The following LOXL2 variants were observed in gnomAD, a reference collection of about 807,000 sequenced individuals.
LOXL2 encodes the protein lysyl oxidase like 2.
In LOXL2, 70 loss-of-function variants were observed where a neutral mutation model predicts 93.0. That is an observed-to-expected ratio of 0.75 (90% CI 0.62 to 0.92). LOXL2 has a LOEUF of 0.92. Among genes scored for constraint, LOXL2 ranks in the 40% least tolerant of loss-of-function variants. The probability of loss-of-function intolerance (pLI) is 0.00; values close to 1 mark genes in which losing one functional copy is unlikely to be tolerated. For synonymous variants in LOXL2, 438 were observed against 413.2 expected (o/e 1.06, Z -0.73); for missense variants, 973 against 1,054.9 (o/e 0.92, Z 1.08).
In LOXL2 at chr8:23,368,126, A is replaced by G. The variant is rs779988545; in HGVS notation, c.226T>C (p.Tyr76His). 1.2e-6 allele frequency: 2 copies of G among 1,614,128 alleles called. No individual in the cohort carries two copies. The highest frequency in any genetic ancestry group is 1.7e-6 in the Non-Finnish European group (2 of 1,180,036). ...CACACGGTGCCCCACTGGCCATCAT[A>G]GTACACCTCCACCCGGCCCTCGCTG... ...KHSEGRVEVY[Y>H]DGQWGTVCDD... is the part of the protein sequence containing the mutation. The change falls in exon 2 of 14, where the codon TAT becomes CAT. Residue 76 changes from tyrosine to histidine, a missense_variant. Physicochemically the swap from Tyr to His is moderately conservative, Grantham distance 83. Transcript: ENST00000389131.
Position 23,318,425 on chromosome 8 carries a change from G to GCACACA in LOXL2, c.1471-1317_1471-1312dup, listed in dbSNP as rs59051890. Reference sequence around the variant, plus strand: ...CATTCATACATCCTATTGGTTGATAGCACACACACACACACACACACACAC... The same window carrying GCACACA: ...CATTCATACATCCTATTGGTTGATAGCACACACACACACACACACACACACACACAC... On this transcript the variant is annotated intron_variant, in intron 8 of 13. Coordinates refer to ENST00000389131, the MANE Select transcript of LOXL2 (RefSeq NM_002318.3). Among the ~76,000 whole-genome samples, 873 of 145,836 alleles carry GCACACA rather than the reference G, an allele frequency of 6.0e-3. 6 individuals carry two copies. The highest frequency in any genetic ancestry group is 7.4e-3 in the African/African-American group (282 of 38,208).
At position 23,335,703 on chromosome 8, in the gene LOXL2, G is replaced by A. The variant is rs180690093; in HGVS notation, c.744-2080C>T. 3.3e-3 allele frequency among the ~76,000 whole-genome samples: 508 copies of A among 152,242 alleles called. 2 individuals carry two copies. The highest frequency in any genetic ancestry group is 6.8e-3 in the Middle Eastern group (2 of 294). On this transcript the variant is annotated intron_variant, in intron 4 of 13. Transcript: ENST00000389131. ...TAAGATGCCAGAAGGAGCCAGCAGA[G>A]GGTACTCGCTGGGCAGGCTGACCCC...
chr8:23,334,823 T>G (rs2117174474), intron 4 of LOXL2, among the ~76,000 whole-genome samples: 1 of 149,782 alleles, frequency 6.7e-6, no homozygotes, highest in Non-Finnish European at 1.5e-5. Context: ...TTGTTGTTGT[T>G]TTTTTTTTTT....
rs560429236 is a variant in LOXL2 at position 23,378,522 on chromosome 8, T to G, written c.-83-10088A>C. On this transcript the variant is annotated intron_variant, in intron 1 of 13. Coordinates refer to ENST00000389131, the MANE Select transcript of LOXL2 (RefSeq NM_002318.3). The stretch of plus-strand genomic sequence containing the variant: ...GTTGGGGAAGTTCTCCTGGATAATA[T>G]CCTGCAGAGTGTTTTCCAACTTGGT... 3.4e-4 allele frequency among the ~76,000 whole-genome samples: 52 copies of G among 152,356 alleles called. No homozygotes were observed. In the Middle Eastern group the frequency reaches 0.01, roughly 30 times the overall value.
chr8:23,353,280 T>C (rs767192730), intron 3 of LOXL2, among the ~76,000 whole-genome samples: 25 of 152,184 alleles, frequency 1.6e-4, no homozygotes, highest in Non-Finnish European at 3.4e-4. Flanking sequence ...TCTGAAATCC[T>C]GGGAGGTTTG....
At chr8:23,340,363 T>C (rs913741638) in intron 4 of LOXL2, among the ~76,000 whole-genome samples, 1 of 152,156 alleles carries the variant, frequency 6.6e-6, no homozygotes, top group African/African-American at 2.4e-5. Flanking sequence ...CATCAGCTTG[T>C]TGGGGTGCTG....
chr8:23,333,275 C>T, intron 5 of LOXL2, 126 bp downstream of exon 5: 1 of 835,518 alleles, frequency 1.2e-6, no homozygotes, highest in Non-Finnish European at 1.9e-6. Flanking sequence ...CAGAGTAAAG[C>T]AGCCACAATG....
chr8:23,309,618 C>T, intron 10 of LOXL2, 50 bp downstream of exon 10: 3 of 1,370,920 alleles, frequency 2.2e-6, no homozygotes, highest in Non-Finnish European at 1.9e-6. Context: ...CTGAGGCCTG[C>T]AGGATGTCCG....
Position 23,367,898 on chromosome 8 carries a change from C to T in LOXL2, c.355+99G>A, listed in dbSNP as rs911622329. 4.4e-5 allele frequency: 41 copies of T among 932,132 alleles called. 1 individual carries two copies. Among genetic ancestry groups the T allele is most frequent in the Middle Eastern group, 6.9e-4 (2 of 2,906 alleles). 57.7% of individuals were successfully genotyped at this position (932,132 alleles called of 1,614,324 possible). A position where few individuals can be genotyped will look rare whatever the true frequency, so the allele number is the denominator to read the frequency against. On this transcript the variant is annotated intron_variant, in intron 2 of 13. Coordinates refer to ENST00000389131, the MANE Select transcript of LOXL2 (RefSeq NM_002318.3). ...TGGGCATCACCAAGAATTTACACTT[C>T]GCAGTGCGTGCAGCCTCCTCTCCCA... is the stretch of plus-strand genomic sequence containing the variant.
intron 1 of LOXL2, among the ~76,000 whole-genome samples, chr8:23,395,770 G>A (rs907078014): frequency 6.6e-6 from 1 of 151,936 alleles, no homozygotes; most frequent in Non-Finnish European, 1.5e-5. Flanking sequence ...CACAATCCTG[G>A]CTCACCGTAA....
intron 3 of LOXL2, 141 bp downstream of exon 3, chr8:23,359,949 C>G: frequency 1.4e-6 from 1 of 720,660 alleles, no homozygotes; most frequent in East Asian, 2.7e-5. Context: ...CTTCCCTAAA[C>G]TGCCCTTGTA....
chr8:23,372,010 G>A (rs1804503862), intron 1 of LOXL2, among the ~76,000 whole-genome samples: 1 of 151,744 alleles, frequency 6.6e-6, no homozygotes, highest in African/African-American at 2.4e-5. Flanking sequence ...AGAAATGGTA[G>A]AATTAAAAAA....
At chr8:23,359,601 C>A (rs1021645939) in intron 3 of LOXL2, among the ~76,000 whole-genome samples, 7 of 152,336 alleles carry the variant, frequency 4.6e-5, no homozygotes, top group Admixed American at 1.3e-4. Context: ...TGAGGAGAAT[C>A]AAGTAGCTAA....
intron 9 of LOXL2, among the ~76,000 whole-genome samples, chr8:23,313,118 G>T (rs548531728): frequency 0.024 from 3,690 of 152,064 alleles, 152 homozygotes; most frequent in African/African-American, 0.084. Flanking sequence ...TCTTCAAGGA[G>T]AACTACAAAC....
At chr8:23,311,087 C>T (rs945451260) in intron 9 of LOXL2, among the ~76,000 whole-genome samples, 16 of 152,144 alleles carry the variant, frequency 1.1e-4, no homozygotes, top group Non-Finnish European at 2.4e-4. Context: ...AAATTTTAAG[C>T]AAGCAGAGTC....
intron 3 of LOXL2, among the ~76,000 whole-genome samples, chr8:23,342,433 C>CA (rs1381109562): frequency 4.3e-4 from 59 of 137,314 alleles, no homozygotes; most frequent in Admixed American, 6.4e-4. Context: ...TTTTCTTTTT[C>CA]TTTTTTTTTT....
chr8:23,383,437 T>C (rs4327870), intron 1 of LOXL2, among the ~76,000 whole-genome samples: 49,305 of 152,034 alleles, frequency 0.32, 8,120 homozygotes, highest in East Asian at 0.43. Flanking sequence ...AACCTGATTG[T>C]GGAGCTCTGT....
chr8:23,314,700 G>C (rs971092364), intron 9 of LOXL2, among the ~76,000 whole-genome samples: 62 of 151,440 alleles, frequency 4.1e-4, no homozygotes, highest in Admixed American at 4.1e-3. Context: ...GCTAGATGAC[G>C]AGTTAGTGGG....
chr8:23,373,227 A>G (rs1443861077), intron 1 of LOXL2, among the ~76,000 whole-genome samples: 1 of 152,136 alleles, frequency 6.6e-6, no homozygotes, highest in Non-Finnish European at 1.5e-5. Flanking sequence ...CTTCTTTCCC[A>G]TGGAGCTGAC....
Sources: allele counts gnomAD v4.1 joint callset (sites outside exome capture counted in the v4.1 genomes callset), GRCh38; gene constraint gnomAD v4.1.1; transcripts MANE v1.5; gene names NCBI Gene and HGNC (gene_info 2026-07-23, HGNC 2026-07-21).